Variants in AOAH observed in about 807,000 individuals in gnomAD.
AOAH encodes the protein acyloxyacyl hydrolase.
Under a neutral mutation model 92.2 loss-of-function variants are expected in AOAH, and 64 were observed. That is an observed-to-expected ratio of 0.69 (90% CI 0.57 to 0.86). The LOEUF (loss-of-function observed/expected upper bound fraction) is 0.86, where lower values mean the gene tolerates loss of function less well. AOAH is among the 40% of genes least tolerant of loss of function. The pLI is 0.00. For synonymous variants in AOAH, 263 were observed against 254.5 expected, an observed-to-expected ratio of 1.03 and a Z score of -0.32; for missense variants, 656 against 694.6, an observed-to-expected ratio of 0.94 and a Z score of 0.62.
At chr7:36,555,787 T>C (rs1223230884) in intron 13 of AOAH, among the ~76,000 whole-genome samples, 1 of 152,254 alleles carries the variant, frequency 6.6e-6, no homozygotes, top group Non-Finnish European at 1.5e-5. Context: ...GTGTTTGTAG[T>C]AATCTCTGAT....
At chr7:36,651,557 C>T (rs984564391) in intron 4 of AOAH, among the ~76,000 whole-genome samples, 2 of 152,174 alleles carry the variant, frequency 1.3e-5, no homozygotes, top group South Asian at 2.1e-4. Flanking sequence ...GGATATTGTG[C>T]AAGATTCTTG....
chr7:36,524,739 C>CT (rs563515479), intron 19 of AOAH, among the ~76,000 whole-genome samples: 71 of 144,824 alleles, frequency 4.9e-4, no homozygotes, highest in Middle Eastern at 3.5e-3. Flanking sequence ...CTCGCTCACT[C>CT]TTTTTTTTTT....
intron 13 of AOAH, among the ~76,000 whole-genome samples, chr7:36,572,671 T>C (rs1347327708): frequency 6.6e-6 from 1 of 152,212 alleles, no homozygotes; most frequent in Admixed American, 6.5e-5. Context: ...CCTGTGTTTC[T>C]CATTCAGTCT....
chr7:36,620,967 T>C (rs554033790), intron 8 of AOAH, 138 bp from the exon 9 acceptor site: 2 of 747,256 alleles, frequency 2.7e-6, no homozygotes, highest in African/African-American at 1.8e-5. Context: ...CTTCATGGAA[T>C]AGCATCACAT....
At chr7:36,542,362 G>C (rs1373696910) in intron 15 of AOAH, among the ~76,000 whole-genome samples, 1 of 152,208 alleles carries the variant, frequency 6.6e-6, no homozygotes, top group African/African-American at 2.4e-5. Context: ...ATACATGTCT[G>C]CGTTTTGAGT....
chr7:36,705,774 A>G (rs1288807423), intron 1 of AOAH, among the ~76,000 whole-genome samples: 1 of 152,196 alleles, frequency 6.6e-6, no homozygotes, highest in Non-Finnish European at 1.5e-5. Context: ...AAAAGGCTGC[A>G]GTAACCAAAA....
chr7:36,558,804 G>A (rs1313876958), intron 13 of AOAH, among the ~76,000 whole-genome samples: 4 of 152,256 alleles, frequency 2.6e-5, no homozygotes, highest in Admixed American at 2.6e-4. Flanking sequence ...ATCTCCTGGT[G>A]CGCTGTTTCC....
intron 13 of AOAH, among the ~76,000 whole-genome samples, chr7:36,555,678 A>G (rs1161567128): frequency 6.6e-6 from 1 of 152,140 alleles, no homozygotes; most frequent in Non-Finnish European, 1.5e-5. Flanking sequence ...TTATTGGTCT[A>G]TTCAGAGATT....
intron 13 of AOAH, among the ~76,000 whole-genome samples, chr7:36,563,227 C>T (rs76136190): frequency 0.13 from 18,849 of 145,788 alleles, 1,237 homozygotes; most frequent in East Asian, 0.16. Context: ...CACAACTATT[C>T]CAGTGAAGAG....
At chr7:36,570,694 G>A (rs1788075946) in intron 13 of AOAH, among the ~76,000 whole-genome samples, 2 of 152,166 alleles carry the variant, frequency 1.3e-5, no homozygotes, top group South Asian at 4.1e-4. Flanking sequence ...ATTCTAACTG[G>A]TGTGAGGTGA....
chr7:36,514,997 T>A (rs1790254056), intron 20 of AOAH, among the ~76,000 whole-genome samples: 1 of 151,804 alleles, frequency 6.6e-6, no homozygotes, highest in Non-Finnish European at 1.5e-5. Flanking sequence ...GGACACGAAC[T>A]TCACTCATCC....
At chr7:36,651,564 CT>C (rs1449709185) in intron 4 of AOAH, among the ~76,000 whole-genome samples, 2 of 152,162 alleles carry the variant, frequency 1.3e-5, no homozygotes, top group African/African-American at 4.8e-5. Flanking sequence ...GTGCAAGATT[CT>C]TGAAAATTAA....
intron 1 of AOAH, among the ~76,000 whole-genome samples, chr7:36,723,118 A>G (rs7785921): frequency 0.78 from 118,779 of 151,772 alleles, 47,153 homozygotes; most frequent in East Asian, 0.93. Flanking sequence ...TGCAGCATGT[A>G]GCCATCAGAC....
At chr7:36,717,484 C>T (rs1042092495) in intron 1 of AOAH, among the ~76,000 whole-genome samples, 5 of 150,698 alleles carry the variant, frequency 3.3e-5, no homozygotes, top group African/African-American at 9.7e-5. Flanking sequence ...GGCTGAACTA[C>T]CACATATGAA....
chr7:36,546,982 G>A (rs1353218573), intron 15 of AOAH, among the ~76,000 whole-genome samples: 1 of 152,230 alleles, frequency 6.6e-6, no homozygotes, highest in East Asian at 1.9e-4. Context: ...ACTATAGACA[G>A]GGAATGGAAT....
chr7:36,682,118 T>C (rs1796685823), intron 2 of AOAH, among the ~76,000 whole-genome samples: 1 of 152,196 alleles, frequency 6.6e-6, no homozygotes, highest in Non-Finnish European at 1.5e-5. Flanking sequence ...AGCTGGTGAA[T>C]GCAAAGAGTT....
At chr7:36,688,022 C>T (rs951104893) in intron 1 of AOAH, among the ~76,000 whole-genome samples, 3 of 152,176 alleles carry the variant, frequency 2.0e-5, no homozygotes, top group African/African-American at 7.2e-5. Flanking sequence ...GAAAGGTTCA[C>T]CACATCTCTG....
intron 15 of AOAH, among the ~76,000 whole-genome samples, chr7:36,542,320 C>T (rs1378309528): frequency 6.6e-6 from 1 of 152,218 alleles, no homozygotes; most frequent in Admixed American, 6.5e-5. Flanking sequence ...ACACCTTGAT[C>T]TTGGACTTTA....
chr7:36,659,755 C>CTTTTTTT (rs112482487), intron 3 of AOAH, among the ~76,000 whole-genome samples: 2 of 127,978 alleles, frequency 1.6e-5, no homozygotes, highest in Non-Finnish European at 3.2e-5. Flanking sequence ...TTTTTTCTTT[C>CTTTTTTT]TTTTTTTTTT....
Sources: allele counts gnomAD v4.1 joint callset (sites outside exome capture counted in the v4.1 genomes callset), GRCh38; gene constraint gnomAD v4.1.1; transcripts MANE v1.5; gene names NCBI Gene and HGNC (gene_info 2026-07-23, HGNC 2026-07-21).